TAC3: variants seen among roughly 807,000 people sequenced by gnomAD.
The protein encoded by TAC3 is tachykinin precursor 3.
A neutral mutation model predicts 16.5 loss-of-function variants in TAC3; 9 were observed. The ratio of observed to expected loss-of-function variants is 0.55; its 90% confidence interval spans 0.33 to 0.95. The LOEUF (loss-of-function observed/expected upper bound fraction) is 0.95, where lower values mean the gene tolerates loss of function less well. Ranked by LOEUF, TAC3 falls within the 40% of genes least tolerant of loss-of-function variation. The probability of loss-of-function intolerance (pLI) is 0.03; values close to 1 mark genes in which losing one functional copy is unlikely to be tolerated. For synonymous variants in TAC3, 52 were observed against 56.7 expected, an observed-to-expected ratio of 0.92 and a Z score of 0.37; for missense variants, 129 against 149.1, an observed-to-expected ratio of 0.87 and a Z score of 0.70.
At chr12:57,013,445 C>A in intron 3 of TAC3, 57 bp from the exon 4 acceptor site, 1 of 1,608,466 alleles carries the variant, frequency 6.2e-7, no homozygotes, top group Non-Finnish European at 8.5e-7. Context: ...GTGATGAGAG[C>A]GGGGTTCAGA....
chr12:57,015,598 AC>A, intron 2 of TAC3, 85 bp downstream of exon 2: 1 of 1,118,924 alleles, frequency 8.9e-7, no homozygotes, highest in Non-Finnish European at 1.3e-6. Context: ...CAACCCCCCC[AC>A]CCCAGTTTCC....
At chr12:57,012,980 T>C in intron 4 of TAC3, 105 bp from the exon 5 acceptor site, 1 of 1,447,006 alleles carries the variant, frequency 6.9e-7, no homozygotes, top group Non-Finnish European at 9.7e-7. Context: ...CTCTGTTCCT[T>C]TTTCTTGTCA....
At chr12:57,015,538 G>A in intron 2 of TAC3, 146 bp downstream of exon 2, 1 of 703,482 alleles carries the variant, frequency 1.4e-6, no homozygotes, top group East Asian at 2.7e-5. Flanking sequence ...AACATGAAAG[G>A]ACCAGAGAAA....
At position 57,012,817 on chromosome 12, in the gene TAC3, C is replaced by G. The variant is rs772901020; in HGVS notation, c.292+5G>C. The G allele has an allele frequency of 4.3e-6, 7 of 1,614,214 alleles. No homozygotes were observed. Among genetic ancestry groups the G allele is most frequent in the Non-Finnish European group, 5.9e-6 (7 of 1,180,028 alleles). ...CCCTTCCACTGTACCTCCACACACT[C>G]CTACCTGGCTGGACGCTCCTCTTGC... On this transcript the variant is annotated splice_donor_5th_base_variant and intron_variant, in intron 5 of 6. Transcript: ENST00000458521.
chr12:57,012,769 TC>T, intron 5 of TAC3, 52 bp downstream of exon 5: 1 of 1,614,034 alleles, frequency 6.2e-7, no homozygotes, highest in Non-Finnish European at 8.5e-7. Flanking sequence ...GTGACTTCTG[TC>T]ATACTCTGCC....
intron 2 of TAC3, among the ~76,000 whole-genome samples, chr12:57,015,262 A>T (rs1956356588): frequency 6.6e-6 from 1 of 152,192 alleles, no homozygotes; most frequent in South Asian, 2.1e-4. Context: ...GATAGGTAAA[A>T]TAGCACACAA....
intron 6 of TAC3, 33 bp downstream of exon 6, chr12:57,012,340 CCCAGT>C: frequency 3.2e-6 from 5 of 1,576,264 alleles, no homozygotes; most frequent in Non-Finnish European, 3.5e-6. Context: ...CAGCCCCCTC[CCCAGT>C]CCCCTCTCCC....
chr12:57,012,485 A>G, intron 5 of TAC3, 33 bp from the exon 6 acceptor site: 1 of 1,612,650 alleles, frequency 6.2e-7, no homozygotes. Context: ...AGTAAGAGGG[A>G]TCTTTCTGAA....
Position 57,013,403 on chromosome 12 carries a change from A to C in TAC3, c.209-15T>G. The C allele has an allele frequency of 6.2e-7, 1 of 1,614,114 alleles. No individual in the cohort carries two copies. Among genetic ancestry groups the C allele is most frequent in the Non-Finnish European group, 8.5e-7 (1 of 1,179,972 alleles). ...TTCCTTAGGATCTGTGAAACCAAGA[A>C]CAGATGTCTAAATGGGGAGTGAAGT... On this transcript the variant is annotated splice_polypyrimidine_tract_variant and intron_variant, in intron 3 of 6. Transcript: ENST00000458521.
rs199697004 is a variant in TAC3 at position 57,012,341 on chromosome 12, C to T, written c.*1+37G>A. 8.9e-6 allele frequency: 14 copies of T among 1,579,708 alleles called. No individual in the cohort carries two copies. The Admixed American group carries it at 2.0e-4, about 23-fold the overall frequency. On this transcript the variant is annotated intron_variant, in intron 6 of 6. Coordinates refer to ENST00000458521, the MANE Select transcript of TAC3 (RefSeq NM_013251.4). ...GCTGGCAACCCCCACAGCCCCCTCC[C>T]CAGTCCCCTCTCCCCTCTCTAATGA...
At chr12:57,013,800 C>G (rs567292950) in intron 2 of TAC3, 129 bp from the exon 3 acceptor site, 1 of 785,968 alleles carries the variant, frequency 1.3e-6, no homozygotes, top group East Asian at 2.7e-5. Context: ...AGAGTTTCCT[C>G]TGGTTCACAC....
At chr12:57,012,351 C>G in intron 6 of TAC3, 27 bp downstream of exon 6, 1 of 1,594,782 alleles carries the variant, frequency 6.3e-7, no homozygotes, top group Middle Eastern at 1.8e-4. Flanking sequence ...CCAGTCCCCT[C>G]TCCCCTCTCT....
rs1956364102 is a variant in TAC3 at position 57,015,762 on chromosome 12, G to A, written c.36C>T (p.Ala12=). Residue 12 remains alanine (A), a synonymous_variant, in exon 2 of 7, where the codon GCC becomes GCT. Transcript: ENST00000458521. ...RIMLLFTAIL[A]FSLAQSFGAV... is the part of the protein sequence containing the mutation. ...CCCCAAAGCTCTGAGCTAGGCTGAA[G>A]GCCAGGATGGCTGTGAATAGCAGCA... is the stretch of plus-strand genomic sequence containing the variant. 1 of 1,614,082 alleles carries A rather than the reference G, an allele frequency of 6.2e-7. No individual in the cohort carries two copies. The highest frequency in any genetic ancestry group is 1.3e-5 in the African/African-American group (1 of 74,942).
rs1291918115 is a variant in TAC3, at chr12:57,016,501, A to C, written c.-120T>G. ...GCTGCCGGTGCTCCTGCAAAGAGAG[A>C]AACCGAGTGGAGGGGATCTAGGAAG... On this transcript the variant is annotated 5_prime_UTR_variant, in exon 1 of 7. Transcript: ENST00000458521. 3 of 454,314 alleles carry C rather than the reference A, an allele frequency of 6.6e-6. No individual in the cohort carries two copies. Among genetic ancestry groups the C allele is most frequent in the Non-Finnish European group, 1.3e-5 (3 of 226,764 alleles). 28.1% of individuals were successfully genotyped at this position (454,314 alleles called of 1,614,324 possible).
intron 4 of TAC3, chr12:57,013,157 G>A: frequency 1.3e-6 from 1 of 746,358 alleles, no homozygotes; most frequent in South Asian, 1.7e-5. Flanking sequence ...CCAGCAGAGG[G>A]AGAGCCCACC....
intron 6 of TAC3, among the ~76,000 whole-genome samples, chr12:57,011,193 A>G (rs1956292687): frequency 6.6e-6 from 1 of 152,206 alleles, no homozygotes; most frequent in South Asian, 2.1e-4. Flanking sequence ...ATGGGGGGCC[A>G]GACTCAGTCT....
chr12:57,012,689 A>AG, intron 5 of TAC3, 133 bp downstream of exon 5: 1 of 1,612,944 alleles, frequency 6.2e-7, no homozygotes, highest in Non-Finnish European at 8.5e-7. Flanking sequence ...ATTGGGATGA[A>AG]GGGGCCGAGG....
At chr12:57,015,856 C>G in intron 1 of TAC3, 54 bp from the exon 2 acceptor site, 1 of 1,479,464 alleles carries the variant, frequency 6.8e-7, no homozygotes, top group Non-Finnish European at 9.4e-7. Context: ...GAAGATACAG[C>G]ATGGGTGAAG....
At chr12:57,012,527 G>C (rs1218585721) in intron 5 of TAC3, 75 bp from the exon 6 acceptor site, 3 of 1,603,458 alleles carry the variant, frequency 1.9e-6, no homozygotes, top group Admixed American at 3.3e-5. Context: ...ACAGCAAAGG[G>C]CTGGCTATGA....
Sources: gnomAD v4.1 joint callset for allele counts (sites outside exome capture counted in the v4.1 genomes callset) on GRCh38, gnomAD v4.1.1 for gene constraint, MANE v1.5 for transcripts, NCBI Gene and HGNC (gene_info 2026-07-23, HGNC 2026-07-21) for gene names.